Variants in FER observed in about 807,000 individuals in gnomAD.
FER encodes the protein tyrosine-protein kinase Fer.
In FER, 63 loss-of-function variants were observed where a neutral mutation model predicts 111.0. The ratio of observed to expected loss-of-function variants is 0.57; its 90% CI spans 0.46 to 0.70. The LOEUF (loss-of-function observed/expected upper bound fraction) is 0.70. Ranked by LOEUF, FER falls within the 30% of genes least tolerant of loss-of-function variation. The probability of loss-of-function intolerance (pLI) is 0.00; values close to 1 mark genes in which losing one functional copy is unlikely to be tolerated. For missense variants in FER, 914 were observed against 954.0 expected (o/e 0.96, Z 0.55); for synonymous variants, 327 against 313.9 (o/e 1.04, Z -0.44).
intron 17 of FER, 134 bp downstream of exon 17, chr5:109,100,653 T>A: frequency 1.2e-6 from 1 of 868,226 alleles, no homozygotes; most frequent in South Asian, 1.8e-5. Flanking sequence ...TGTGTGAAAG[T>A]GTCCTCTGCT....
At chr5:109,104,803 C>A (rs1307000968) in intron 17 of FER, among the ~76,000 whole-genome samples, 1 of 151,940 alleles carries the variant, frequency 6.6e-6, no homozygotes, top group Non-Finnish European at 1.5e-5. Context: ...AGTGCAGTGG[C>A]GCCATCTCGG....
At chr5:109,078,754 G>A (rs1776655494) in intron 16 of FER, among the ~76,000 whole-genome samples, 1 of 152,162 alleles carries the variant, frequency 6.6e-6, no homozygotes, top group Non-Finnish European at 1.5e-5. Flanking sequence ...GTGGGAGTTT[G>A]TATCTTGAAA....
At chr5:109,176,840 G>T (rs558127223) in intron 17 of FER, among the ~76,000 whole-genome samples, 1 of 152,318 alleles carries the variant, frequency 6.6e-6, no homozygotes, top group Non-Finnish European at 1.5e-5. Flanking sequence ...CTGCCAAGGA[G>T]TACACTTGGC....
chr5:109,063,306 C>T (rs1170937657), intron 16 of FER, among the ~76,000 whole-genome samples: 1 of 152,106 alleles, frequency 6.6e-6, no homozygotes, highest in Non-Finnish European at 1.5e-5. Context: ...AGGATTTTAA[C>T]AGTCAGTTTC....
At chr5:109,174,861 G>A (rs1303283054) in intron 17 of FER, among the ~76,000 whole-genome samples, 1 of 152,138 alleles carries the variant, frequency 6.6e-6, no homozygotes, top group African/African-American at 2.4e-5. Context: ...ATAGTAGGTG[G>A]CTAAAATTAC....
At chr5:108,799,654 CTTTAT>C (rs1415928818) in intron 3 of FER, among the ~76,000 whole-genome samples, 1 of 152,006 alleles carries the variant, frequency 6.6e-6, no homozygotes, top group Non-Finnish European at 1.5e-5. Context: ...ACTGGATATC[CTTTAT>C]TTTATTTGGC....
At chr5:108,925,429 C>T (rs1171157331) in intron 10 of FER, among the ~76,000 whole-genome samples, 1 of 151,908 alleles carries the variant, frequency 6.6e-6, no homozygotes, top group East Asian at 1.9e-4. Context: ...ACACTAATTC[C>T]TTACTCTTTT....
In FER at chr5:109,058,047, G is replaced by A. The variant is rs536794869; in HGVS notation, c.1924+10849G>A. Among the ~76,000 whole-genome samples, 122 of 152,224 alleles carry A rather than the reference G, an allele frequency of 8.0e-4. 3 individuals are homozygous for A. The South Asian group carries it at 0.024, about 31-fold the overall frequency. On this transcript the variant is annotated intron_variant, in intron 16 of 19. Coordinates refer to ENST00000281092, the MANE Select transcript of FER (RefSeq NM_005246.4). ...ATCAAGTGGGATTTATCCCAGGACT[G>A]AAAGCTGATTTAACTTTCATAAATC...
intron 13 of FER, among the ~76,000 whole-genome samples, chr5:109,020,098 C>T (rs2149827436): frequency 6.6e-6 from 1 of 152,082 alleles, no homozygotes; most frequent in East Asian, 1.9e-4. Context: ...TAATGATTGG[C>T]TTTCTGAAAA....
At chr5:108,845,013 T>G (rs1464697312) in intron 5 of FER, among the ~76,000 whole-genome samples, 2 of 57,210 alleles carry the variant, frequency 3.5e-5, no homozygotes, top group Admixed American at 2.4e-4. Context: ...TATATATATA[T>G]ATATATATAT....
intron 13 of FER, among the ~76,000 whole-genome samples, chr5:108,998,716 A>G (rs1581581661): frequency 7.4e-6 from 1 of 135,100 alleles, no homozygotes; most frequent in African/African-American, 2.5e-5. Flanking sequence ...TGAGATAAAC[A>G]TGTGGTTTTT....
chr5:108,935,733 G>A (rs1364981705), intron 10 of FER, among the ~76,000 whole-genome samples: 5 of 151,798 alleles, frequency 3.3e-5, no homozygotes, highest in Admixed American at 6.6e-5. Context: ...ATAATATTTC[G>A]GGACTGGAAG....
At chr5:109,115,683 T>TTGTC (rs1337843744) in intron 17 of FER, among the ~76,000 whole-genome samples, 1 of 150,944 alleles carries the variant, frequency 6.6e-6, no homozygotes, top group Admixed American at 6.6e-5. Flanking sequence ...GTTTGTTTGT[T>TTGTC]TGGCACGACT....
intron 13 of FER, among the ~76,000 whole-genome samples, chr5:109,028,201 G>A (rs1178328559): frequency 6.6e-6 from 1 of 152,100 alleles, no homozygotes; most frequent in African/African-American, 2.4e-5. Context: ...CAACTGTAAA[G>A]CTTTTTGTGA....
chr5:109,127,722 G>T (rs560570668), intron 17 of FER, among the ~76,000 whole-genome samples: 1 of 151,938 alleles, frequency 6.6e-6, no homozygotes, highest in East Asian at 1.9e-4. Flanking sequence ...TATTTTTAAA[G>T]ATTAGAAAAA....
At chr5:108,992,930 C>G (rs954333094) in intron 13 of FER, among the ~76,000 whole-genome samples, 2 of 151,370 alleles carry the variant, frequency 1.3e-5, no homozygotes, top group Non-Finnish European at 2.9e-5. Context: ...CTTCCCACAT[C>G]TCCGACGATG....
intron 3 of FER, among the ~76,000 whole-genome samples, chr5:108,809,769 C>T (rs1468091543): frequency 6.6e-6 from 1 of 152,106 alleles, no homozygotes; most frequent in Non-Finnish European, 1.5e-5. Context: ...TACCATATTG[C>T]CCAGGCTGTT....
chr5:109,191,582 A>G lies in FER; in HGVS notation c.*4007A>G, dbSNP rs1759384876. On this transcript the variant is annotated 3_prime_UTR_variant, in exon 20 of 20. Transcript: ENST00000281092. ...TGGAAAAGACATGTTTTCTTTAGGTATTAATATCTTAATTAAATGGAATCA... is the reference window on the plus strand; with the variant it reads ...TGGAAAAGACATGTTTTCTTTAGGTGTTAATATCTTAATTAAATGGAATCA... 1 of 152,172 alleles carries G rather than the reference A, an allele frequency of 6.6e-6. No homozygotes were observed. The highest frequency in any genetic ancestry group is 2.4e-5 in the African/African-American group (1 of 41,462). The allele number at this position is 152,172 out of a possible 1,614,324, so 9.4% of individuals were successfully genotyped here.
Position 108,798,147 on chromosome 5 carries a change from C to A in FER, c.-36C>A, listed in dbSNP as rs575745920. 62 of 1,531,492 alleles carry A rather than the reference C, an allele frequency of 4.0e-5. No homozygotes were observed. Among genetic ancestry groups the A allele is most frequent in the Non-Finnish European group, 5.0e-5 (55 of 1,106,138 alleles). 94.9% of individuals were successfully genotyped at this position (1,531,492 alleles called of 1,614,324 possible). A position where few individuals can be genotyped will look rare whatever the true frequency, so the allele number is the denominator to read the frequency against. ...AGATATGTGCTGATTAGAAGGCTCA[C>A]TTGTGCAGTGTGGAGGATAACCAGT... On this transcript the variant is annotated 5_prime_UTR_variant, in exon 3 of 20. Coordinates refer to ENST00000281092, the MANE Select transcript of FER (RefSeq NM_005246.4).
Sources: allele counts gnomAD v4.1 joint callset (sites outside exome capture counted in the v4.1 genomes callset), GRCh38; gene constraint gnomAD v4.1.1; transcripts MANE v1.5; gene names NCBI Gene and HGNC (gene_info 2026-07-23, HGNC 2026-07-21).